METTL15: variants seen among roughly 807,000 people sequenced by gnomAD.
METTL15 encodes the protein 12S rRNA N(4)-cytidine methyltransferase METTL15.
In METTL15, 34 loss-of-function variants were observed where a neutral mutation model predicts 38.3. That is an observed-to-expected ratio of 0.89 (90% CI 0.68 to 1.18). METTL15 has a LOEUF of 1.18. Among genes scored for constraint, METTL15 ranks in the 50% most tolerant of loss-of-function variants. The pLI is 0.00. For synonymous variants in METTL15, 162 were observed against 170.9 expected (o/e 0.95, Z 0.41); for missense variants, 438 against 498.4 (o/e 0.88, Z 1.15).
At chr11:28,279,172 G>T (rs1163004425) in intron 4 of METTL15, among the ~76,000 whole-genome samples, 1 of 152,070 alleles carries the variant, frequency 6.6e-6, no homozygotes, top group African/African-American at 2.4e-5. Context: ...TTGTATCAGG[G>T]TTATATGATG....
downstream of METTL15, among the ~76,000 whole-genome samples, chr11:28,531,992 C>G (rs1212718702): frequency 6.6e-6 from 1 of 152,024 alleles, no homozygotes; most frequent in Non-Finnish European, 1.5e-5. Context: ...GTAAATGCAG[C>G]ACTGCCTCCA....
chr11:28,494,158 G>A (rs943419639), intron 6 of METTL15, among the ~76,000 whole-genome samples: 1 of 152,194 alleles, frequency 6.6e-6, no homozygotes. Context: ...GGTGAGAGCA[G>A]TAATGTCCAA....
At chr11:28,296,621 T>C in intron 5 of METTL15, 132 bp from the exon 6 acceptor site, 1 of 849,884 alleles carries the variant, frequency 1.2e-6, no homozygotes, top group Non-Finnish European at 1.8e-6. Flanking sequence ...AAGGTTTCAG[T>C]TTCTGACTTT....
chr11:28,438,714 G>A (rs1364725843), intron 6 of METTL15, among the ~76,000 whole-genome samples: 82 of 130,166 alleles, frequency 6.3e-4, no homozygotes, highest in Admixed American at 4.0e-3. Flanking sequence ...TCGCTCTGTC[G>A]CACAGACTGG....
intron 6 of METTL15, among the ~76,000 whole-genome samples, chr11:28,472,139 A>G (rs1851309066): frequency 2.0e-5 from 3 of 152,270 alleles, no homozygotes; most frequent in Non-Finnish European, 1.5e-5. Flanking sequence ...AAGTGAATAA[A>G]AGAAATAGTC....
At chr11:28,362,199 TAAAC>T (rs1234941771) in intron 5 of METTL15, among the ~76,000 whole-genome samples, 1 of 152,110 alleles carries the variant, frequency 6.6e-6, no homozygotes, top group African/African-American at 2.4e-5. Flanking sequence ...CAATTGCAAT[TAAAC>T]AAACAGTCCT....
At chr11:28,213,382 G>A (rs1371070314) in intron 4 of METTL15, among the ~76,000 whole-genome samples, 1 of 152,014 alleles carries the variant, frequency 6.6e-6, no homozygotes, top group Admixed American at 6.6e-5. Flanking sequence ...GAGACAAAAA[G>A]TGTGATTAAG....
intron 3 of METTL15, among the ~76,000 whole-genome samples, chr11:28,179,991 T>C (rs756138830): frequency 7.2e-5 from 11 of 151,820 alleles, no homozygotes; most frequent in Non-Finnish European, 1.5e-4. Context: ...ACTTGATGAA[T>C]GATGATATTA....
intron 3 of METTL15, among the ~76,000 whole-genome samples, chr11:28,186,556 A>G (rs1427921626): frequency 2.0e-5 from 3 of 151,194 alleles, no homozygotes; most frequent in Non-Finnish European, 3.0e-5. Context: ...TTAATTATAG[A>G]TAACTATAAA....
intron 4 of METTL15, among the ~76,000 whole-genome samples, chr11:28,231,477 G>T (rs900476015): frequency 1.3e-5 from 2 of 151,490 alleles, no homozygotes; most frequent in Non-Finnish European, 3.0e-5. Flanking sequence ...TTTTTCTTAT[G>T]GTAAAATTCT....
chr11:28,293,720 C>G (rs1245890439), intron 5 of METTL15, among the ~76,000 whole-genome samples: 2 of 152,168 alleles, frequency 1.3e-5, no homozygotes, highest in Admixed American at 6.5e-5. Context: ...TTTGTATCCT[C>G]TTTTATTTCA....
At chr11:28,310,878 ATGCTGCTGCTGCTGC>A (rs878913369) in intron 6 of METTL15, among the ~76,000 whole-genome samples, 8 of 64,724 alleles carry the variant, frequency 1.2e-4, no homozygotes, top group East Asian at 5.8e-4. Flanking sequence ...CCTAGCTTAA[ATGCTGCTGCTGCTGC>A]TGCTGCTGCT....
At chr11:28,191,309 C>T (rs1384373839) in intron 3 of METTL15, among the ~76,000 whole-genome samples, 3 of 150,144 alleles carry the variant, frequency 2.0e-5, no homozygotes, top group Non-Finnish European at 4.5e-5. Context: ...CTTTCTTTCT[C>T]CTTGTTTTTA....
intron 3 of METTL15, chr11:28,163,589 C>T: frequency 2.5e-6 from 1 of 394,930 alleles, no homozygotes; most frequent in Admixed American, 4.4e-5. Flanking sequence ...AATACACAAT[C>T]AAATGTATTT....
chr11:28,302,039 G>T (rs979776833), intron 6 of METTL15, among the ~76,000 whole-genome samples: 2 of 152,114 alleles, frequency 1.3e-5, no homozygotes, highest in African/African-American at 4.8e-5. Flanking sequence ...CTCCTGAGTA[G>T]CTGGGACTAC....
At chr11:28,294,337 C>G (rs1325972163) in intron 5 of METTL15, among the ~76,000 whole-genome samples, 2 of 152,158 alleles carry the variant, frequency 1.3e-5, no homozygotes, top group Non-Finnish European at 2.9e-5. Context: ...TTTGCCTTGG[C>G]TAATCCAGGC....
At chr11:28,527,649 C>G (rs1851821228), downstream of METTL15, among the ~76,000 whole-genome samples, 1 of 152,146 alleles carries the variant, frequency 6.6e-6, no homozygotes, top group Non-Finnish European at 1.5e-5. Context: ...GCTTTGAAAG[C>G]ATATCATAGA....
chr11:28,155,555 G>A (rs1399037775), intron 3 of METTL15, among the ~76,000 whole-genome samples: 1 of 152,126 alleles, frequency 6.6e-6, no homozygotes, highest in African/African-American at 2.4e-5. Flanking sequence ...AATGGCTTAT[G>A]GACCCTCTTA....
chr11:28,281,477 T>C (rs1265695086), intron 4 of METTL15, among the ~76,000 whole-genome samples: 1 of 152,184 alleles, frequency 6.6e-6, no homozygotes, highest in Non-Finnish European at 1.5e-5. Flanking sequence ...TGTTTTCACT[T>C]TTCTTTGTTC....
Sources: allele counts gnomAD v4.1 joint callset (sites outside exome capture counted in the v4.1 genomes callset), GRCh38; gene constraint gnomAD v4.1.1; transcripts MANE v1.5; gene names NCBI Gene and HGNC (gene_info 2026-07-23, HGNC 2026-07-21).